Variants in ATRNL1 observed in about 807,000 individuals in gnomAD.
ATRNL1 encodes the protein attractin like 1, also known as attractin-like protein 1.
ATRNL1 carries 95 observed loss-of-function variants against 182.7 expected under a neutral mutation model. That is an observed-to-expected ratio of 0.52 (90% confidence interval 0.44 to 0.62). ATRNL1 has a LOEUF of 0.62. Among genes scored for constraint, ATRNL1 ranks in the 20% least tolerant of loss-of-function variants. ATRNL1 has a pLI of 0.00. For missense variants in ATRNL1, 1,471 were observed against 1,679.5 expected (o/e 0.88, Z 2.17); for synonymous variants, 576 against 568.3 (o/e 1.01, Z -0.19).
chr10:115,520,282 A>G (rs1565125988), intron 25 of ATRNL1, among the ~76,000 whole-genome samples: 1 of 152,220 alleles, frequency 6.6e-6, no homozygotes, highest in Non-Finnish European at 1.5e-5. Flanking sequence ...CAAAGTAACC[A>G]TCATCTTTTT....
At chr10:115,256,006 A>G (rs572039161) in intron 10 of ATRNL1, among the ~76,000 whole-genome samples, 33 of 152,288 alleles carry the variant, frequency 2.2e-4, no homozygotes, top group African/African-American at 6.7e-4. Flanking sequence ...CGTGGTGGAT[A>G]AGCTTTTTGA....
intron 27 of ATRNL1, among the ~76,000 whole-genome samples, chr10:115,787,556 A>T (rs1949426026): frequency 6.6e-6 from 1 of 152,098 alleles, no homozygotes; most frequent in Non-Finnish European, 1.5e-5. Flanking sequence ...TCCACATACT[A>T]GGGATATTAT....
At chr10:115,667,470 A>C (rs1861067084) in intron 26 of ATRNL1, among the ~76,000 whole-genome samples, 1 of 152,112 alleles carries the variant, frequency 6.6e-6, no homozygotes, top group South Asian at 2.1e-4. Context: ...CCTGTCTGGC[A>C]TCTCAGTTGG....
At chr10:115,663,051 A>G (rs1860790462) in intron 26 of ATRNL1, among the ~76,000 whole-genome samples, 2 of 152,302 alleles carry the variant, frequency 1.3e-5, no homozygotes, top group Admixed American at 6.5e-5. Flanking sequence ...TTATTGTTAT[A>G]TAAATTAAAA....
intron 27 of ATRNL1, among the ~76,000 whole-genome samples, chr10:115,825,114 A>G (rs1354335390): frequency 6.6e-6 from 1 of 152,120 alleles, no homozygotes; most frequent in Non-Finnish European, 1.5e-5. Flanking sequence ...GCTGGAAACC[A>G]TCATTCTCAA....
intron 26 of ATRNL1, among the ~76,000 whole-genome samples, chr10:115,610,178 G>GT (rs1398296237): frequency 2.6e-5 from 4 of 152,062 alleles, no homozygotes; most frequent in African/African-American, 9.7e-5. Context: ...AGATGACAAA[G>GT]CTAGTAATGG....
At chr10:115,725,923 C>T (rs556742851) in intron 26 of ATRNL1, among the ~76,000 whole-genome samples, 3 of 152,152 alleles carry the variant, frequency 2.0e-5, no homozygotes, top group East Asian at 1.9e-4. Flanking sequence ...TCACTTTTTA[C>T]TTTGAATATG....
At chr10:115,875,073 A>G (rs1555106902) in intron 28 of ATRNL1, among the ~76,000 whole-genome samples, 1 of 152,206 alleles carries the variant, frequency 6.6e-6, no homozygotes. Flanking sequence ...GATGAATTCA[A>G]AAGTTATTGG....
chr10:115,577,530 T>C (rs529531676), intron 26 of ATRNL1, among the ~76,000 whole-genome samples: 10 of 151,794 alleles, frequency 6.6e-5, no homozygotes, highest in Admixed American at 6.6e-4. Context: ...TAGACCATTG[T>C]TGATACAAAG....
At chr10:115,313,896 G>A (rs1411310776) in intron 17 of ATRNL1, among the ~76,000 whole-genome samples, 5 of 152,088 alleles carry the variant, frequency 3.3e-5, no homozygotes, top group Admixed American at 6.6e-5. Context: ...CCTATTGATA[G>A]CATAGTAACC....
At chr10:115,582,135 AG>A (rs1361905821) in intron 26 of ATRNL1, among the ~76,000 whole-genome samples, 1 of 151,874 alleles carries the variant, frequency 6.6e-6, no homozygotes, top group East Asian at 1.9e-4. Context: ...TTCTTAATCC[AG>A]TCTATCATTG....
At chr10:115,737,394 C>T (rs187168999) in intron 27 of ATRNL1, among the ~76,000 whole-genome samples, 267 of 150,790 alleles carry the variant, frequency 1.8e-3, no homozygotes, top group Non-Finnish European at 3.0e-3. Flanking sequence ...CATGATCATA[C>T]ACTGCACTCC....
At chr10:115,229,527 G>C (rs892899618) in intron 9 of ATRNL1, among the ~76,000 whole-genome samples, 16 of 151,946 alleles carry the variant, frequency 1.1e-4, no homozygotes, top group Non-Finnish European at 1.8e-4. Context: ...CTCAGTAAGG[G>C]AGATTGAGAA....
intron 19 of ATRNL1, among the ~76,000 whole-genome samples, chr10:115,370,002 G>T (rs1234693346): frequency 1.3e-5 from 2 of 152,156 alleles, no homozygotes; most frequent in Non-Finnish European, 2.9e-5. Flanking sequence ...TGAATCACAG[G>T]GGTGGATCTT....
At chr10:115,218,782 A>C (rs191739455) in intron 9 of ATRNL1, among the ~76,000 whole-genome samples, 1 of 152,210 alleles carries the variant, frequency 6.6e-6, no homozygotes, top group African/African-American at 2.4e-5. Context: ...CAGGTTGAAT[A>C]TGTCACACAA....
intron 28 of ATRNL1, among the ~76,000 whole-genome samples, chr10:115,890,335 A>G (rs1017857018): frequency 6.6e-6 from 1 of 152,142 alleles, no homozygotes; most frequent in South Asian, 2.1e-4. Context: ...TTAATCTTTA[A>G]AGCTATTTAT....
At chr10:115,818,238 T>C (rs999792265) in intron 27 of ATRNL1, among the ~76,000 whole-genome samples, 2 of 151,652 alleles carry the variant, frequency 1.3e-5, no homozygotes, top group Non-Finnish European at 2.9e-5. Context: ...TAGTTTCAGT[T>C]TCTGTGAATA....
intron 20 of ATRNL1, among the ~76,000 whole-genome samples, chr10:115,406,833 C>G (rs558982797): frequency 3.2e-4 from 48 of 152,174 alleles, no homozygotes; most frequent in African/African-American, 1.1e-3. Context: ...ATTTGTATGT[C>G]TATAATGAGA....
chr10:115,916,893 T>C lies in ATRNL1; in HGVS notation c.4019-27765T>C, dbSNP rs557784848. ...CCAACACCTCCCTGTTCCTTCTGTC[T>C]GGGTATTTATATTGCTTAGGAGGAC... On this transcript the variant is annotated intron_variant, in intron 28 of 28. Coordinates refer to ENST00000355044, the MANE Select transcript of ATRNL1 (RefSeq NM_207303.4). 2.9e-4 allele frequency among the ~76,000 whole-genome samples: 44 copies of C among 152,328 alleles called. No homozygotes were observed. The Middle Eastern group carries it at 0.01, about 35-fold the overall frequency.
Sources: allele counts gnomAD v4.1 joint callset (sites outside exome capture counted in the v4.1 genomes callset), GRCh38; gene constraint gnomAD v4.1.1; transcripts MANE v1.5; gene names NCBI Gene and HGNC (gene_info 2026-07-23, HGNC 2026-07-21).